Variants in NFIB observed in about 807,000 individuals in gnomAD.
The protein encoded by NFIB is nuclear factor 1 B-type.
A neutral mutation model predicts 61.5 loss-of-function variants in NFIB; 11 were observed. The observed-to-expected ratio is 0.18, with a 90% CI of 0.11 to 0.30. The LOEUF (loss-of-function observed/expected upper bound fraction) is 0.30. Ranked by LOEUF, NFIB falls within the 10% of genes least tolerant of loss-of-function variation. The pLI, the probability that NFIB is intolerant of heterozygous loss-of-function variation, is 1.00. For missense variants in NFIB, 471 were observed against 608.9 expected (o/e 0.77, Z 2.38); for synonymous variants, 260 against 216.5 (o/e 1.20, Z -1.76).
chr9:14,444,715 TAAAAA>T, the NFIB span, among the ~76,000 whole-genome samples: 1 of 152,204 alleles, frequency 6.6e-6, no homozygotes, highest in Non-Finnish European at 1.5e-5. Context: ...CTTTGACTTT[TAAAAA>T]ATTGTGAAAT....
At chr9:14,310,629 A>G (rs1299845718) in intron 1 of NFIB, among the ~76,000 whole-genome samples, 1 of 152,210 alleles carries the variant, frequency 6.6e-6, no homozygotes, top group Non-Finnish European at 1.5e-5. Context: ...GCAATCATAA[A>G]TTCTTTAAAA....
At chr9:14,315,434 C>T (rs942831622), upstream of NFIB, among the ~76,000 whole-genome samples, 114 of 149,858 alleles carry the variant, frequency 7.6e-4, 1 homozygote, top group Non-Finnish European at 1.1e-3. Context: ...TGCAGCCCCG[C>T]TGGCTGGCTC....
chr9:14,200,370 G>C (rs1370739487), intron 2 of NFIB, among the ~76,000 whole-genome samples: 1 of 152,102 alleles, frequency 6.6e-6, no homozygotes, highest in African/African-American at 2.4e-5. Context: ...CCCAGAATCT[G>C]TTTCAGTGAA....
chr9:14,451,141 T>G, the NFIB span, among the ~76,000 whole-genome samples: 1 of 152,236 alleles, frequency 6.6e-6, no homozygotes, highest in Non-Finnish European at 1.5e-5. Flanking sequence ...TTTAATGAGT[T>G]GACATCAGCT....
In NFIB at chr9:14,313,699, C is replaced by G; in HGVS notation, c.-188G>C. On this transcript the variant is annotated 5_prime_UTR_variant, in exon 1 of 11. Coordinates refer to ENST00000380953, the MANE Select transcript of NFIB (RefSeq NM_001190737.2). The surrounding 1 kb of genome is among the most constrained non-coding windows in gnomAD (Gnocchi z 4.5). ...TTAAATAGCCAAAGATTCAAGTTCA[C>G]TCGGCGTGCTAGATTTCCAGGGGTG... is the stretch of plus-strand genomic sequence containing the variant. The G allele has an allele frequency of 7.0e-7, 1 of 1,428,160 alleles. No individual in the cohort carries two copies. The highest frequency in any genetic ancestry group is 9.2e-7 in the Non-Finnish European group (1 of 1,091,260). The allele number at this position is 1,428,160 out of a possible 1,614,324, so 88.5% of individuals were successfully genotyped here. A position where few individuals can be genotyped will look rare whatever the true frequency, so the allele number is the denominator to read the frequency against.
chr9:14,321,294 C>G (rs1212554409), intron 1 of NFIB, among the ~76,000 whole-genome samples: 3 of 151,720 alleles, frequency 2.0e-5, no homozygotes, highest in Non-Finnish European at 4.4e-5. Context: ...AAACTATTAA[C>G]AGGAGTGGAA....
chr9:14,511,812 T>A, the NFIB span, among the ~76,000 whole-genome samples: 23 of 152,240 alleles, frequency 1.5e-4, no homozygotes, highest in Non-Finnish European at 5.9e-5. Context: ...ATTTATAATA[T>A]GTTTTGATAA....
At chr9:14,180,112 T>C (rs2046605898) in intron 2 of NFIB, among the ~76,000 whole-genome samples, 1 of 152,210 alleles carries the variant, frequency 6.6e-6, no homozygotes, top group Admixed American at 6.5e-5. Context: ...AGTAGCAATA[T>C]GAAATAAAGC....
At chr9:14,399,688 A>G (rs1483331569), upstream of NFIB, among the ~76,000 whole-genome samples, 1 of 152,232 alleles carries the variant, frequency 6.6e-6, no homozygotes, top group African/African-American at 2.4e-5. Flanking sequence ...AAAATAAAAA[A>G]GTCAGCATTA....
intron 2 of NFIB, among the ~76,000 whole-genome samples, chr9:14,237,709 T>C (rs2053886021): frequency 1.3e-5 from 2 of 151,800 alleles, no homozygotes; most frequent in South Asian, 2.1e-4. Context: ...TTGTTTCTTA[T>C]TCAATAAACA....
At chr9:14,316,039 C>G (rs1423283968), upstream of NFIB, among the ~76,000 whole-genome samples, 2 of 152,102 alleles carry the variant, frequency 1.3e-5, no homozygotes, top group African/African-American at 2.4e-5. Context: ...AACTTTAGCC[C>G]CTCTCACTCC....
intron 1 of NFIB, among the ~76,000 whole-genome samples, chr9:14,392,142 T>C (rs1190848602): frequency 6.6e-6 from 1 of 152,128 alleles, no homozygotes; most frequent in Non-Finnish European, 1.5e-5. Context: ...AAGGAAAGTC[T>C]GAGAAACTGC....
intron 2 of NFIB, among the ~76,000 whole-genome samples, chr9:14,238,195 G>A (rs2132013699): frequency 1.3e-5 from 2 of 152,082 alleles, no homozygotes; most frequent in East Asian, 2.0e-4. Flanking sequence ...CCAGCAGAAA[G>A]GACAGACAGA....
intron 2 of NFIB, among the ~76,000 whole-genome samples, chr9:14,237,421 C>T (rs1211267200): frequency 6.6e-6 from 1 of 152,202 alleles, no homozygotes; most frequent in Non-Finnish European, 1.5e-5. Context: ...AAGGCCAGCA[C>T]ACACAGGGAA....
the NFIB span, among the ~76,000 whole-genome samples, chr9:14,525,387 TC>T: frequency 6.6e-6 from 1 of 152,186 alleles, no homozygotes; most frequent in Non-Finnish European, 1.5e-5. Flanking sequence ...TCTCCTCTTC[TC>T]CCCTTATCAG....
chr9:14,368,352 T>C (rs1401796177), intron 1 of NFIB, among the ~76,000 whole-genome samples: 1 of 152,228 alleles, frequency 6.6e-6, no homozygotes, highest in Non-Finnish European at 1.5e-5. Flanking sequence ...TGTATTTCAT[T>C]ATTTATGAGT....
chr9:14,322,839 C>T (rs1029994926), intron 1 of NFIB, among the ~76,000 whole-genome samples: 1 of 151,428 alleles, frequency 6.6e-6, no homozygotes, highest in South Asian at 2.1e-4. Flanking sequence ...CGCATGGGGC[C>T]GGAGAGCGGC....
chr9:14,525,371 G>C, the NFIB span, among the ~76,000 whole-genome samples: 1 of 152,186 alleles, frequency 6.6e-6, no homozygotes, highest in East Asian at 1.9e-4. Flanking sequence ...GAGGGTTTTC[G>C]TGTTCTCTCC....
chr9:14,465,783 A>T, the NFIB span, among the ~76,000 whole-genome samples: 1 of 152,102 alleles, frequency 6.6e-6, no homozygotes, highest in Non-Finnish European at 1.5e-5. Flanking sequence ...TGGGGCCGAG[A>T]CAATTCTTGG....
Sources: allele counts gnomAD v4.1 joint callset (sites outside exome capture counted in the v4.1 genomes callset), GRCh38; gene constraint gnomAD v4.1.1; non-coding constraint Gnocchi (gnomAD v3.1); transcripts MANE v1.5; gene names NCBI Gene and HGNC (gene_info 2026-07-23, HGNC 2026-07-21).